BICDL1: variants seen among roughly 807,000 people sequenced by gnomAD.
The protein encoded by BICDL1 is BICD family like cargo adaptor 1.
A neutral mutation model predicts 76.8 loss-of-function variants in BICDL1; 20 were observed. The observed-to-expected ratio is 0.26, with a 90% CI of 0.18 to 0.38. The LOEUF is 0.38. Ranked by LOEUF, BICDL1 falls within the 10% of genes least tolerant of loss-of-function variation. BICDL1 has a pLI of 1.00. For missense variants in BICDL1, 700 were observed against 798.6 expected, an observed-to-expected ratio of 0.88 and a Z score of 1.49; for synonymous variants, 383 against 337.1, an observed-to-expected ratio of 1.14 and a Z score of -1.49.
chr12:119,996,889 T>A (rs1417167915), intron 1 of BICDL1, among the ~76,000 whole-genome samples: 1 of 152,220 alleles, frequency 6.6e-6, no homozygotes, highest in Non-Finnish European at 1.5e-5. Flanking sequence ...CATACTGTGC[T>A]TTTTAAATAG....
Position 119,998,674 on chromosome 12 carries a change from A to G in BICDL1, c.583A>G (p.Lys195Glu), listed in dbSNP as rs1415147578. Residue 195 changes from lysine (K) to glutamate (E), a missense_variant, in exon 2 of 10, where the codon AAA becomes GAA. Physicochemically the swap from Lys to Glu is moderately conservative, Grantham distance 56 (BLOSUM62 1). Around this residue, in one of 3 missense-constraint regions of BICDL1, gnomAD observed 455 missense variants for 548.7 expected, o/e 0.83. Transcript: ENST00000548673. ...TCATCTGCGGGAAGCAGATCGAGAAAAATCACGGGCTGTCCAGGAACTGTC... is the reference window on the plus strand; with the variant it reads ...TCATCTGCGGGAAGCAGATCGAGAAGAATCACGGGCTGTCCAGGAACTGTC... ...QIHLREADREKSRAVQELSEQ... is the reference protein window; with the variant it reads ...QIHLREADREESRAVQELSEQ... 1.9e-6 allele frequency: 3 copies of G among 1,614,176 alleles called. No homozygotes were observed. The highest frequency in any genetic ancestry group is 2.2e-5 in the South Asian group (2 of 91,084).
chr12:120,046,546 G>A (rs1021104604), intron 2 of BICDL1, among the ~76,000 whole-genome samples: 7 of 152,224 alleles, frequency 4.6e-5, no homozygotes, highest in African/African-American at 1.7e-4. Flanking sequence ...GGAAGAACCT[G>A]AGACACAGAG....
chr12:120,012,257 G>A (rs572577423), intron 2 of BICDL1, among the ~76,000 whole-genome samples: 31 of 152,144 alleles, frequency 2.0e-4, no homozygotes, highest in Non-Finnish European at 4.1e-4. Context: ...CCCTGCACAC[G>A]ACTGACGGTG....
chr12:120,007,336 G>A (rs1167222655), intron 2 of BICDL1, among the ~76,000 whole-genome samples: 3 of 152,114 alleles, frequency 2.0e-5, no homozygotes, highest in Non-Finnish European at 4.4e-5. Flanking sequence ...TTAAATTTCC[G>A]CAGCCATCTG....
At chr12:120,074,235 T>C (rs577980619) in intron 6 of BICDL1, among the ~76,000 whole-genome samples, 35 of 150,628 alleles carry the variant, frequency 2.3e-4, no homozygotes, top group African/African-American at 8.1e-4. Flanking sequence ...TGACCCCTTC[T>C]TCCTTCCACC....
intron 2 of BICDL1, among the ~76,000 whole-genome samples, chr12:120,004,033 G>C (rs1951808601): frequency 6.6e-6 from 1 of 152,192 alleles, no homozygotes; most frequent in Non-Finnish European, 1.5e-5. Flanking sequence ...GAGGCAGCCA[G>C]AGGTTCTCAT....
chr12:120,045,064 A>T (rs1307118139), intron 2 of BICDL1, among the ~76,000 whole-genome samples: 7 of 152,194 alleles, frequency 4.6e-5, no homozygotes, highest in Non-Finnish European at 8.8e-5. Flanking sequence ...ATGAACTCAA[A>T]CAAATTTACA....
At chr12:120,083,726 C>T (rs1205838355) in intron 8 of BICDL1, among the ~76,000 whole-genome samples, 1 of 151,772 alleles carries the variant, frequency 6.6e-6, no homozygotes, top group Non-Finnish European at 1.5e-5. Context: ...GTGGCACGAC[C>T]TCGTCTCACT....
chr12:120,015,518 C>G (rs1477232869), intron 2 of BICDL1, among the ~76,000 whole-genome samples: 1 of 152,264 alleles, frequency 6.6e-6, no homozygotes, highest in East Asian at 1.9e-4. Flanking sequence ...GCTTTAGTCC[C>G]TTTCTTTTGT....
chr12:119,989,462 GGCAGCA>G lies in BICDL1; in HGVS notation c.-395_-390del, dbSNP rs746391690. 6.0e-3 allele frequency among the ~76,000 whole-genome samples: 882 copies of G among 147,066 alleles called. 11 individuals are homozygous for G. The highest frequency in any genetic ancestry group is 0.021 in the African/African-American group (839 of 40,546). On this transcript the variant is annotated 5_prime_UTR_variant, in exon 1 of 10. Coordinates refer to ENST00000548673, the MANE Select transcript of BICDL1 (RefSeq NM_001367886.1). ...CGTGAGGCGCTGCCCGGCCGGCGGC[GGCAGCA>G]GCAGCAGCAGCGGCAGCGGCAACAG...
At chr12:120,019,864 A>G (rs2138705802) in intron 2 of BICDL1, among the ~76,000 whole-genome samples, 1 of 152,342 alleles carries the variant, frequency 6.6e-6, no homozygotes, top group Non-Finnish European at 1.5e-5. Context: ...AGTATTTAGC[A>G]AGAGAGGCTT....
At chr12:120,044,906 A>G (rs1952715585) in intron 2 of BICDL1, among the ~76,000 whole-genome samples, 1 of 152,120 alleles carries the variant, frequency 6.6e-6, no homozygotes, top group Non-Finnish European at 1.5e-5. Context: ...TTTTGGTTCC[A>G]TATGAACTTT....
chr12:120,022,459 TTA>T (rs926357857), intron 2 of BICDL1, among the ~76,000 whole-genome samples: 2 of 147,022 alleles, frequency 1.4e-5, no homozygotes, highest in African/African-American at 4.9e-5. Flanking sequence ...ATTTTATATA[TTA>T]TATATTTATA....
intron 4 of BICDL1, among the ~76,000 whole-genome samples, chr12:120,070,650 AC>A (rs1566258104): frequency 6.6e-6 from 1 of 152,132 alleles, no homozygotes; most frequent in African/African-American, 2.4e-5. Flanking sequence ...TGTCTTATAA[AC>A]GTCCATAATT....
At chr12:120,001,524 G>C (rs1039388036) in intron 2 of BICDL1, among the ~76,000 whole-genome samples, 1 of 152,186 alleles carries the variant, frequency 6.6e-6, no homozygotes, top group African/African-American at 2.4e-5. Flanking sequence ...GGGATTACAG[G>C]CATGAGCCAC....
At position 119,989,747 on chromosome 12, in the gene BICDL1, GGGCGCGTGCCGC is replaced by G. The variant is rs1030424108; in HGVS notation, c.-115_-104del. On this transcript the variant is annotated 5_prime_UTR_variant, in exon 1 of 10. Coordinates refer to ENST00000548673, the MANE Select transcript of BICDL1 (RefSeq NM_001367886.1). ...GCGCCCAGGGCTCGCGGGGACCCGGGGGCGCGTGCCGCGGCGCGAGGCGAGGCGCGGGACGCG... is the reference window on the plus strand; with the variant it reads ...GCGCCCAGGGCTCGCGGGGACCCGGGGGCGCGAGGCGAGGCGCGGGACGCG... The G allele has an allele frequency of 1.5e-5, 4 of 266,934 alleles. No individual in the cohort carries two copies. The highest frequency in any genetic ancestry group is 4.7e-5 in the African/African-American group (2 of 42,646). The allele number at this position is 266,934 out of a possible 1,614,324, so 16.5% of individuals were successfully genotyped here.
rs1331370259 is a variant in BICDL1, at chr12:120,094,154, C to T, written c.*993C>T. 2.0e-5 allele frequency: 9 copies of T among 445,158 alleles called. No individual in the cohort carries two copies. The highest frequency in any genetic ancestry group is 4.1e-5 in the Non-Finnish European group (9 of 219,860). 27.6% of individuals were successfully genotyped at this position (445,158 alleles called of 1,614,324 possible). A position where few individuals can be genotyped will look rare whatever the true frequency, so the allele number is the denominator to read the frequency against. ...CTGCCTGCCTGCCTGCAGAAGCCTG[C>T]AGTGGCTGCTGCTCCTGCCTCTGCA... On this transcript the variant is annotated 3_prime_UTR_variant, in exon 10 of 10. Transcript: ENST00000548673.
chr12:120,081,082 T>C (rs972970306), intron 8 of BICDL1, 65 bp downstream of exon 8: 11 of 1,510,948 alleles, frequency 7.3e-6, no homozygotes, highest in Non-Finnish European at 9.9e-6. Context: ...GAGCATATGC[T>C]CAATTTTTTA....
At chr12:120,013,961 T>C (rs184142846) in intron 2 of BICDL1, among the ~76,000 whole-genome samples, 48 of 152,360 alleles carry the variant, frequency 3.2e-4, no homozygotes, top group Admixed American at 3.1e-3. Context: ...CCATGTTATT[T>C]AGCTCTTGTC....
Sources: allele counts gnomAD v4.1 joint callset (sites outside exome capture counted in the v4.1 genomes callset), GRCh38; gene constraint gnomAD v4.1.1; regional missense constraint gnomAD v4.1.1; transcripts MANE v1.5; gene names NCBI Gene and HGNC (gene_info 2026-07-23, HGNC 2026-07-21).